CAMK1D: variants seen among roughly 807,000 people sequenced by gnomAD.
CAMK1D encodes calcium/calmodulin dependent protein kinase ID.
A neutral mutation model predicts 47.7 loss-of-function variants in CAMK1D; 9 were observed. The observed-to-expected ratio is 0.19, with a 90% confidence interval of 0.11 to 0.33. The LOEUF (loss-of-function observed/expected upper bound fraction) is 0.33, where lower values mean the gene tolerates loss of function less well. Among genes scored for constraint, CAMK1D ranks in the 10% least tolerant of loss-of-function variants. The pLI, the probability that CAMK1D is intolerant of heterozygous loss-of-function variation, is 1.00. For synonymous variants in CAMK1D, 184 were observed against 184.9 expected (o/e 0.99, Z 0.04); for missense variants, 291 against 488.7 (o/e 0.60, Z 3.81).
chr10:12,745,155 C>A (rs1003602350), intron 3 of CAMK1D, among the ~76,000 whole-genome samples: 4 of 152,204 alleles, frequency 2.6e-5, no homozygotes, highest in African/African-American at 9.6e-5. Context: ...CTCAGCCTCC[C>A]GAGTAGCTGG....
intron 2 of CAMK1D, among the ~76,000 whole-genome samples, chr10:12,651,103 G>C (rs1564468300): frequency 6.6e-6 from 1 of 152,172 alleles, no homozygotes; most frequent in South Asian, 2.1e-4. Flanking sequence ...TCCTCCCCGT[G>C]TTTCTTTACC....
At chr10:12,798,877 T>C (rs1362977317) in intron 6 of CAMK1D, among the ~76,000 whole-genome samples, 1 of 152,124 alleles carries the variant, frequency 6.6e-6, no homozygotes, top group Non-Finnish European at 1.5e-5. Flanking sequence ...CTCTTTATTA[T>C]GGTTTTATAT....
chr10:12,383,227 A>C (rs1380607587), intron 1 of CAMK1D, among the ~76,000 whole-genome samples: 1 of 152,170 alleles, frequency 6.6e-6, no homozygotes, highest in African/African-American at 2.4e-5. Context: ...TTTAGGATTT[A>C]TAGATTTAAA....
intron 3 of CAMK1D, among the ~76,000 whole-genome samples, chr10:12,715,798 G>A (rs1275413345): frequency 6.8e-6 from 1 of 146,932 alleles, no homozygotes; most frequent in Non-Finnish European, 1.5e-5. Context: ...TCGGCTCATT[G>A]CAGCCTCCGC....
chr10:12,408,671 A>G (rs1235367118), intron 1 of CAMK1D, among the ~76,000 whole-genome samples: 3 of 151,770 alleles, frequency 2.0e-5, no homozygotes, highest in South Asian at 4.2e-4. Flanking sequence ...GGTGTGGGAA[A>G]ATTTGCTGAC....
chr10:12,751,136 G>A (rs1835965172), intron 3 of CAMK1D, among the ~76,000 whole-genome samples: 1 of 151,680 alleles, frequency 6.6e-6, no homozygotes, highest in Non-Finnish European at 1.5e-5. Context: ...GAAGGCTTCA[G>A]AAGGCTTCTT....
intron 1 of CAMK1D, among the ~76,000 whole-genome samples, chr10:12,396,210 T>TC (rs1238020023): frequency 1.3e-5 from 2 of 152,120 alleles, no homozygotes; most frequent in Admixed American, 6.5e-5. Flanking sequence ...TAGCCCCCGG[T>TC]CCAGGGCTCC....
At chr10:12,480,983 G>A (rs1834048128) in intron 1 of CAMK1D, among the ~76,000 whole-genome samples, 1 of 152,210 alleles carries the variant, frequency 6.6e-6, no homozygotes. Context: ...CTTGGGTCAA[G>A]CTAACTTGGG....
intron 1 of CAMK1D, among the ~76,000 whole-genome samples, chr10:12,507,116 G>A (rs996996717): frequency 6.6e-6 from 1 of 152,238 alleles, no homozygotes; most frequent in African/African-American, 2.4e-5. Flanking sequence ...TTTCTGAAAA[G>A]TTCTGAGAAG....
chr10:12,825,030 GA>G (rs1196646375), intron 9 of CAMK1D, among the ~76,000 whole-genome samples: 1 of 152,120 alleles, frequency 6.6e-6, no homozygotes. Flanking sequence ...TGGCAATTCA[GA>G]GCTAGCTATT....
chr10:12,720,752 A>G (rs1023909530), intron 3 of CAMK1D, among the ~76,000 whole-genome samples: 9 of 152,212 alleles, frequency 5.9e-5, no homozygotes, highest in South Asian at 4.1e-4. Flanking sequence ...CGAAGAATCA[A>G]TAAGGATTCA....
chr10:12,572,561 A>T (rs963464970), intron 2 of CAMK1D, among the ~76,000 whole-genome samples: 4 of 152,104 alleles, frequency 2.6e-5, no homozygotes, highest in Admixed American at 6.6e-5. Flanking sequence ...CCAGTTGGCC[A>T]CCTGGCATCT....
chr10:12,615,760 G>C (rs181337030), intron 2 of CAMK1D, among the ~76,000 whole-genome samples: 4 of 151,240 alleles, frequency 2.6e-5, no homozygotes, highest in African/African-American at 7.3e-5. Context: ...AGTTGTGTGC[G>C]TAGGTGTGTG....
At chr10:12,384,070 TAAA>T (rs1838421110) in intron 1 of CAMK1D, among the ~76,000 whole-genome samples, 2 of 151,652 alleles carry the variant, frequency 1.3e-5, no homozygotes, top group African/African-American at 4.8e-5. Context: ...CAAGGAAAAA[TAAA>T]AAAAGAAATT....
intron 3 of CAMK1D, among the ~76,000 whole-genome samples, chr10:12,690,253 T>C (rs1412175897): frequency 1.3e-5 from 2 of 152,246 alleles, no homozygotes; most frequent in Non-Finnish European, 2.9e-5. Context: ...TTCCATATAC[T>C]GTGTCTTGAC....
chr10:12,618,019 G>A (rs1251596737), intron 2 of CAMK1D, among the ~76,000 whole-genome samples: 2 of 152,098 alleles, frequency 1.3e-5, no homozygotes, highest in African/African-American at 4.8e-5. Context: ...GTAGAATGCT[G>A]TCACTATTTA....
chr10:12,388,666 T>G (rs1340564977), intron 1 of CAMK1D, among the ~76,000 whole-genome samples: 1 of 152,130 alleles, frequency 6.6e-6, no homozygotes, highest in Non-Finnish European at 1.5e-5. Context: ...CGTTTCAAAT[T>G]AATAAATTGT....
intron 1 of CAMK1D, among the ~76,000 whole-genome samples, chr10:12,487,686 C>A (rs1834258223): frequency 6.6e-6 from 1 of 152,218 alleles, no homozygotes; most frequent in Non-Finnish European, 1.5e-5. Context: ...GTGGATCCTA[C>A]AAGGGGCTTT....
intron 6 of CAMK1D, among the ~76,000 whole-genome samples, chr10:12,810,276 CTTTT>C (rs36022032): frequency 7.9e-6 from 1 of 126,216 alleles, no homozygotes. Context: ...CCTAGCACCA[CTTTT>C]TTTTTTTTTT....
Sources: allele counts gnomAD v4.1 joint callset (sites outside exome capture counted in the v4.1 genomes callset), GRCh38; gene constraint gnomAD v4.1.1; transcripts MANE v1.5; gene names NCBI Gene and HGNC (gene_info 2026-07-23, HGNC 2026-07-21).